Variants in RIMKLB observed in about 807,000 individuals in gnomAD.
RIMKLB encodes beta-citrylglutamate synthase B.
RIMKLB carries 7 observed loss-of-function variants against 32.0 expected under a neutral mutation model. That is an observed-to-expected ratio of 0.22 (90% CI 0.12 to 0.41). RIMKLB has a LOEUF of 0.41. RIMKLB is among the 10% of genes least tolerant of loss of function. RIMKLB has a pLI of 1.00. For missense variants in RIMKLB, 289 were observed against 498.7 expected, an observed-to-expected ratio of 0.58 and a Z score of 4.00; for synonymous variants, 172 against 185.1, an observed-to-expected ratio of 0.93 and a Z score of 0.57.
In RIMKLB at chr12:8,773,769, A is replaced by G. The variant is rs1237033467; in HGVS notation, c.1146A>G (p.Lys382=). ...ACCAGCTGCTAGCCAATGAAATCAA[A>G]CTACTGGTGGACTGACTCCACTGGT... The part of the protein sequence containing the change: ...NMNQLLANEI[K]LLVD The change falls in exon 6 of 6, where the codon AAA becomes AAG. Residue 382 remains lysine (K), a synonymous_variant. Coordinates refer to ENST00000535829, the MANE Select transcript of RIMKLB (RefSeq NM_001297776.2). 3.1e-6 allele frequency: 5 copies of G among 1,612,554 alleles called. No homozygotes were observed. Among genetic ancestry groups the G allele is most frequent in the Middle Eastern group, 1.7e-4 (1 of 6,040 alleles).
At chr12:8,717,522 A>G (rs1000827361) in intron 2 of RIMKLB, among the ~76,000 whole-genome samples, 7 of 152,026 alleles carry the variant, frequency 4.6e-5, no homozygotes, top group African/African-American at 1.7e-4. Context: ...TCTAGCTCCA[A>G]TATTAGTCTT....
intron 1 of RIMKLB, among the ~76,000 whole-genome samples, chr12:8,701,649 T>C (rs1192861648): frequency 7.7e-5 from 11 of 142,392 alleles, no homozygotes; most frequent in Non-Finnish European, 1.2e-4. Flanking sequence ...CCTGATCTCT[T>C]TTTTTTTTTT....
intron 2 of RIMKLB, among the ~76,000 whole-genome samples, chr12:8,744,044 A>G (rs1947844300): frequency 6.6e-6 from 1 of 151,990 alleles, no homozygotes; most frequent in Non-Finnish European, 1.5e-5. Flanking sequence ...TCTTTGAACA[A>G]TTATGTGCAT....
chr12:8,725,973 G>A (rs975774399), intron 2 of RIMKLB, among the ~76,000 whole-genome samples: 2 of 152,190 alleles, frequency 1.3e-5, no homozygotes, highest in African/African-American at 4.8e-5. Flanking sequence ...TCAGCCTCCC[G>A]AATAGCTGGG....
chr12:8,710,886 G>A (rs770703117), intron 1 of RIMKLB, among the ~76,000 whole-genome samples: 3 of 151,196 alleles, frequency 2.0e-5, no homozygotes, highest in Admixed American at 2.0e-4. Context: ...CCAGCACTTT[G>A]GGAGGCCAAA....
chr12:8,740,104 C>A (rs1947363243), intron 2 of RIMKLB, among the ~76,000 whole-genome samples: 1 of 152,106 alleles, frequency 6.6e-6, no homozygotes, highest in Non-Finnish European at 1.5e-5. Flanking sequence ...CAGGGTTTCA[C>A]CATGTTGGCC....
At chr12:8,701,255 C>G (rs1286769309) in intron 1 of RIMKLB, among the ~76,000 whole-genome samples, 4 of 152,074 alleles carry the variant, frequency 2.6e-5, no homozygotes, top group African/African-American at 9.7e-5. Flanking sequence ...TTCTGCTTGT[C>G]ATATGAGGGA....
At chr12:8,676,382 C>CA in the RIMKLB span, among the ~76,000 whole-genome samples, 2 of 37,308 alleles carry the variant, frequency 5.4e-5, no homozygotes, top group Non-Finnish European at 9.3e-5. Context: ...CCCCCAACAG[C>CA]TTTTTTTTTT....
intron 5 of RIMKLB, among the ~76,000 whole-genome samples, chr12:8,761,749 C>G (rs150904168): frequency 2.0e-5 from 3 of 152,112 alleles, no homozygotes; most frequent in South Asian, 2.1e-4. Flanking sequence ...GTCAGTCCCC[C>G]CTCTCAACAG....
intron 5 of RIMKLB, among the ~76,000 whole-genome samples, chr12:8,754,538 T>G (rs1208317599): frequency 1.3e-5 from 2 of 152,228 alleles, no homozygotes; most frequent in Non-Finnish European, 2.9e-5. Flanking sequence ...GAGCTTAGGC[T>G]TTGGGTTTTT....
chr12:8,714,313 G>T (rs1944622936), intron 2 of RIMKLB, among the ~76,000 whole-genome samples: 1 of 152,188 alleles, frequency 6.6e-6, no homozygotes, highest in African/African-American at 2.4e-5. Context: ...AGAGGCTAAG[G>T]TGGGAGGATC....
intron 1 of RIMKLB, among the ~76,000 whole-genome samples, chr12:8,706,295 A>G (rs1943872557): frequency 6.6e-6 from 1 of 151,858 alleles, no homozygotes; most frequent in South Asian, 2.1e-4. Flanking sequence ...GCCCACCACC[A>G]TGCCTAGCTA....
downstream of RIMKLB, among the ~76,000 whole-genome samples, chr12:8,778,485 C>T (rs1277382659): frequency 6.6e-6 from 1 of 152,124 alleles, no homozygotes; most frequent in African/African-American, 2.4e-5. Context: ...ATGGTTTAAA[C>T]CTTCAAAAAT....
At chr12:8,778,625 C>G (rs749411333), downstream of RIMKLB, among the ~76,000 whole-genome samples, 2 of 152,196 alleles carry the variant, frequency 1.3e-5, no homozygotes, top group Admixed American at 6.5e-5. Flanking sequence ...AGGTAATAAA[C>G]TAAACTATCC....
At chr12:8,686,673 G>A (rs1032094208) in intron 1 of RIMKLB, among the ~76,000 whole-genome samples, 1 of 151,678 alleles carries the variant, frequency 6.6e-6, no homozygotes, top group Non-Finnish European at 1.5e-5. Flanking sequence ...TAGTAGAGTC[G>A]GGGTTTCACC....
At chr12:8,762,957 T>C (rs1308090827) in intron 5 of RIMKLB, among the ~76,000 whole-genome samples, 1 of 152,186 alleles carries the variant, frequency 6.6e-6, no homozygotes, top group Non-Finnish European at 1.5e-5. Flanking sequence ...CTGGAAGAAA[T>C]GTGGCTGGAT....
the RIMKLB span, among the ~76,000 whole-genome samples, chr12:8,670,324 A>C: frequency 6.6e-6 from 1 of 152,212 alleles, no homozygotes; most frequent in Non-Finnish European, 1.5e-5. Context: ...ATGAGCCTGT[A>C]AAATCAAAAG....
rs1950591443 is a variant in RIMKLB, at chr12:8,774,084, C to A, written c.*300C>A. The stretch of plus-strand genomic sequence containing the variant: ...GCTCATAGGCCATGAGGAACAAATA[C>A]TTTTTTTTTTTCATGGTCCCTTGCT... On this transcript the variant is annotated 3_prime_UTR_variant, in exon 6 of 6. Transcript: ENST00000535829. 9 of 851,826 alleles carry A rather than the reference C, an allele frequency of 1.1e-5. No individual in the cohort carries two copies. The South Asian group carries it at 4.8e-4, about 45-fold the overall frequency. 52.8% of individuals were successfully genotyped at this position (851,826 alleles called of 1,614,324 possible).
chr12:8,723,654 C>G (rs1945684236), intron 2 of RIMKLB, among the ~76,000 whole-genome samples: 1 of 152,106 alleles, frequency 6.6e-6, no homozygotes, highest in African/African-American at 2.4e-5. Context: ...CTTCATGAAT[C>G]TAGATGTTTA....
Sources: allele counts gnomAD v4.1 joint callset (sites outside exome capture counted in the v4.1 genomes callset), GRCh38; gene constraint gnomAD v4.1.1; transcripts MANE v1.5; gene names NCBI Gene and HGNC (gene_info 2026-07-23, HGNC 2026-07-21).